The following PTPN7 variants were observed in gnomAD, a reference collection of about 807,000 sequenced individuals.
The protein encoded by PTPN7 is tyrosine-protein phosphatase non-receptor type 7.
A neutral mutation model predicts 50.3 loss-of-function variants in PTPN7; 33 were observed. The ratio of observed to expected loss-of-function variants is 0.66; its 90% CI spans 0.50 to 0.88. The LOEUF (loss-of-function observed/expected upper bound fraction) is 0.88. Among genes scored for constraint, PTPN7 ranks in the 40% least tolerant of loss-of-function variants. The probability of loss-of-function intolerance (pLI) is 0.00; values close to 1 mark genes in which losing one functional copy is unlikely to be tolerated. For synonymous variants in PTPN7, 185 were observed against 186.6 expected (o/e 0.99, Z 0.07); for missense variants, 412 against 475.4 (o/e 0.87, Z 1.24).
In PTPN7 at chr1:202,153,808, C is replaced by T; in HGVS notation, c.634G>A (p.Glu212Lys). Reference sequence around the variant, plus strand: ...ATCTGGAAGGGTCCATAGGTTTCCTCTTCTGTGGGCCAGTAGTGGACACAT... The same window carrying T: ...ATCTGGAAGGGTCCATAGGTTTCCTTTTCTGTGGGCCAGTAGTGGACACAT... ...EKCVHYWPTE[E>K]ETYGPFQIRI... Residue 212 changes from glutamate (E) to lysine (K), a missense_variant, in exon 7 of 10, where the codon GAG becomes AAG. Physicochemically the swap from Glu to Lys is moderately conservative, Grantham distance 56. Coordinates refer to ENST00000691036, the MANE Select transcript of PTPN7 (RefSeq NM_002832.4). 4 of 1,614,050 alleles carry T rather than the reference C, an allele frequency of 2.5e-6. No homozygotes were observed. The highest frequency in any genetic ancestry group is 3.4e-6 in the Non-Finnish European group (4 of 1,179,938).
Position 202,158,170 on chromosome 1 carries a change from C to T in PTPN7, c.254G>A (p.Trp85Ter). ...GCTGGGTGGCTGGCGCTGAAGGGCC[C>T]AGCGGGTAAGGGGGTGTCCAGCAGT... ...LRTAGHPLTR[W>*]ALQRQPPSPK... Residue 85 changes from tryptophan (W) to a stop codon, truncating the protein, a stop_gained, in exon 3 of 10, where the codon TGG (tryptophan) becomes TAG (stop). Transcript: ENST00000691036. LOFTEE classifies it high-confidence loss of function. 1 of 1,610,594 alleles carries T rather than the reference C, an allele frequency of 6.2e-7. No homozygotes were observed. Among genetic ancestry groups the T allele is most frequent in the Admixed American group, 1.7e-5 (1 of 59,092 alleles).
chr1:202,159,736 A>G lies in PTPN7; in HGVS notation c.-52-282T>C. ...AAGAGAGAGGGGAGAGAGGCCACAC[A>G]CCAGAGTACACAGGGCTCTGAGCAG... is the stretch of plus-strand genomic sequence containing the variant. On this transcript the variant is annotated intron_variant, in intron 1 of 9. Transcript: ENST00000691036. The surrounding 1 kb of genome is among the most constrained non-coding windows in gnomAD (Gnocchi z 4.6). 1.5e-6 allele frequency: 2 copies of G among 1,353,566 alleles called. No individual in the cohort carries two copies. Among genetic ancestry groups the G allele is most frequent in the Non-Finnish European group, 1.9e-6 (2 of 1,053,744 alleles). The allele number at this position is 1,353,566 out of a possible 1,614,324, so 83.8% of individuals were successfully genotyped here. A position where few individuals can be genotyped will look rare whatever the true frequency, so the allele number is the denominator to read the frequency against.
chr1:202,153,275 T>G (rs760373990), intron 7 of PTPN7, among the ~76,000 whole-genome samples: 6 of 152,196 alleles, frequency 3.9e-5, no homozygotes, highest in Non-Finnish European at 7.4e-5. Context: ...GATTCTCCTG[T>G]CTTAGCCTTC....
chr1:202,154,695 TC>T (rs1336014146), intron 5 of PTPN7, among the ~76,000 whole-genome samples: 1 of 152,244 alleles, frequency 6.6e-6, no homozygotes, highest in Non-Finnish European at 1.5e-5. Context: ...AAATGTTTAT[TC>T]CCTTCCTCCC....
In PTPN7 at chr1:202,160,602, T is replaced by G. The variant is rs1370769237; in HGVS notation, c.-110A>C. ...CCAGCTGTCTGTCTGTCTGTCGGTC[T>G]GTCTTTGAGGGCTGAGAAGGCTCCA... On this transcript the variant is annotated 5_prime_UTR_variant, in exon 1 of 10. Coordinates refer to ENST00000691036, the MANE Select transcript of PTPN7 (RefSeq NM_002832.4). This position sits in a 1 kb window ranked among gnomAD's most constrained non-coding sequence, Gnocchi z 4.8. 1.9e-6 allele frequency: 3 copies of G among 1,550,538 alleles called. No individual in the cohort carries two copies. In the East Asian group the frequency reaches 7.3e-5, roughly 38 times the overall value.
chr1:202,152,809 A>G, intron 7 of PTPN7, 110 bp from the exon 8 acceptor site: 4 of 1,287,390 alleles, frequency 3.1e-6, no homozygotes, highest in Middle Eastern at 2.0e-4. Flanking sequence ...TGGGGGGGTC[A>G]TCTACTCAAA....
At chr1:202,149,591 G>C (rs1032821075) in intron 9 of PTPN7, among the ~76,000 whole-genome samples, 18 of 151,806 alleles carry the variant, frequency 1.2e-4, no homozygotes, top group Admixed American at 9.9e-4. Flanking sequence ...CCAGGAGTTC[G>C]AGACTAGTCT....
chr1:202,152,915 C>A (rs569455039), intron 7 of PTPN7, among the ~76,000 whole-genome samples: 197 of 152,290 alleles, frequency 1.3e-3, no homozygotes, highest in African/African-American at 4.2e-3. Context: ...GGGAGAGACC[C>A]AAATTCAAGC....
intron 5 of PTPN7, among the ~76,000 whole-genome samples, chr1:202,154,733 C>T (rs116323441): frequency 0.015 from 2,311 of 152,312 alleles, 14 homozygotes; most frequent in Non-Finnish European, 0.022. Context: ...GCACAAAATA[C>T]CTAAACAGTG....
At chr1:202,148,777 T>TA in intron 9 of PTPN7, 78 bp from the exon 10 acceptor site, 2 of 1,204,538 alleles carry the variant, frequency 1.7e-6, no homozygotes, top group Non-Finnish European at 2.4e-6. Context: ...AACATCCCTG[T>TA]GGTCCTACTG....
chr1:202,148,557 C>T lies in PTPN7; in HGVS notation c.*49G>A, dbSNP rs1426275022. ...GGCCCACTTTCCCCAGACCCACCTTCCCAGGCTTGAGGGAGGTAGGCACCT... is the reference window on the plus strand; with the variant it reads ...GGCCCACTTTCCCCAGACCCACCTTTCCAGGCTTGAGGGAGGTAGGCACCT... On this transcript the variant is annotated 3_prime_UTR_variant, in exon 10 of 10. Coordinates refer to ENST00000691036, the MANE Select transcript of PTPN7 (RefSeq NM_002832.4). The T allele has an allele frequency of 6.4e-7, 1 of 1,556,846 alleles. No individual in the cohort carries two copies. The highest frequency in any genetic ancestry group is 8.8e-7 in the Non-Finnish European group (1 of 1,131,546).
At chr1:202,150,952 G>A (rs1296328073) in intron 8 of PTPN7, among the ~76,000 whole-genome samples, 1 of 151,916 alleles carries the variant, frequency 6.6e-6, no homozygotes, top group African/African-American at 2.4e-5. Context: ...TTCCTCTTGC[G>A]TGAGCCCCTA....
At position 202,159,770 on chromosome 1, in the gene PTPN7, G is replaced by A. The variant is rs1657143359; in HGVS notation, c.-52-316C>T. The A allele has an allele frequency of 4.8e-6, 6 of 1,251,372 alleles. No individual in the cohort carries two copies. Among genetic ancestry groups the A allele is most frequent in the South Asian group, 6.6e-5 (2 of 30,312 alleles). The allele number at this position is 1,251,372 out of a possible 1,614,324, so 77.5% of individuals were successfully genotyped here. ...CACAGGGCTCTGAGCAGGTCCAAGTGGGAGAAGGCAAGGGAGGAAACAGAA... is the reference window on the plus strand; with the variant it reads ...CACAGGGCTCTGAGCAGGTCCAAGTAGGAGAAGGCAAGGGAGGAAACAGAA... On this transcript the variant is annotated intron_variant, in intron 1 of 9. Coordinates refer to ENST00000691036, the MANE Select transcript of PTPN7 (RefSeq NM_002832.4). This position sits in a 1 kb window ranked among gnomAD's most constrained non-coding sequence, Gnocchi z 4.6.
intron 9 of PTPN7, among the ~76,000 whole-genome samples, chr1:202,149,058 G>A (rs1341602788): frequency 1.3e-5 from 2 of 151,958 alleles, no homozygotes; most frequent in African/African-American, 2.4e-5. Context: ...GTTTCACCAT[G>A]TTGCCAGGGT....
chr1:202,147,719 G>A lies in PTPN7; in HGVS notation c.*887C>T, dbSNP rs1345795205. 1 of 152,202 alleles carries A rather than the reference G, an allele frequency of 6.6e-6. No individual in the cohort carries two copies. Among genetic ancestry groups the A allele is most frequent in the African/African-American group, 2.4e-5 (1 of 41,434 alleles). The allele number at this position is 152,202 out of a possible 1,614,324, so 9.4% of individuals were successfully genotyped here. Reference sequence around the variant, plus strand: ...TTTTGGAAACAGCCAAGCTCTCTAGGTGTACTCAGCAAATGCAAGGTATAG... The same window carrying A: ...TTTTGGAAACAGCCAAGCTCTCTAGATGTACTCAGCAAATGCAAGGTATAG... On this transcript the variant is annotated 3_prime_UTR_variant, in exon 10 of 10. Transcript: ENST00000691036.
chr1:202,156,727 C>G (rs1656702967), intron 4 of PTPN7, among the ~76,000 whole-genome samples: 1 of 152,196 alleles, frequency 6.6e-6, no homozygotes, highest in Non-Finnish European at 1.5e-5. Flanking sequence ...TCCGCCCATG[C>G]AGGCAGAGGA....
At position 202,159,647 on chromosome 1, in the gene PTPN7, G is replaced by C; in HGVS notation, c.-52-193C>G. ...CAGGGCAGAAGGCAGTCTCGGGGTA[G>C]AGTAACGGCAAGATAAAGGGTAGAG... On this transcript the variant is annotated intron_variant, in intron 1 of 9. Coordinates refer to ENST00000691036, the MANE Select transcript of PTPN7 (RefSeq NM_002832.4). The surrounding 1 kb of genome is among the most constrained non-coding windows in gnomAD (Gnocchi z 4.6). 1 of 1,455,056 alleles carries C rather than the reference G, an allele frequency of 6.9e-7. No individual in the cohort carries two copies. Among genetic ancestry groups the C allele is most frequent in the South Asian group, 1.5e-5 (1 of 65,896 alleles). The allele number at this position is 1,455,056 out of a possible 1,614,324, so 90.1% of individuals were successfully genotyped here. A position where few individuals can be genotyped will look rare whatever the true frequency, so the allele number is the denominator to read the frequency against.
intron 9 of PTPN7, among the ~76,000 whole-genome samples, chr1:202,149,444 T>C (rs1655681918): frequency 6.6e-6 from 1 of 152,222 alleles, no homozygotes; most frequent in Non-Finnish European, 1.5e-5. Flanking sequence ...TTCATATAAG[T>C]TAACTCATTT....
intron 9 of PTPN7, among the ~76,000 whole-genome samples, chr1:202,149,640 A>C (rs1017902807): frequency 6.6e-6 from 1 of 151,930 alleles, no homozygotes; most frequent in Non-Finnish European, 1.5e-5. Context: ...TTATTAAAAA[A>C]AGAAGAAAGA....
Sources: allele counts gnomAD v4.1 joint callset (sites outside exome capture counted in the v4.1 genomes callset), GRCh38; gene constraint gnomAD v4.1.1; non-coding constraint Gnocchi (gnomAD v3.1); transcripts MANE v1.5; gene names NCBI Gene and HGNC (gene_info 2026-07-23, HGNC 2026-07-21).